The following RANBP17 variants were observed in gnomAD, a reference collection of about 807,000 sequenced individuals.
RANBP17 encodes ran-binding protein 17.
In RANBP17, 158 loss-of-function variants were observed where a neutral mutation model predicts 141.2. The observed-to-expected ratio is 1.12, with a 90% CI of 0.98 to 1.28. The LOEUF is 1.28. RANBP17 is among the 50% of genes most tolerant of loss of function. RANBP17 has a pLI of 0.00. For missense variants in RANBP17, 1,438 were observed against 1,290.7 expected (o/e 1.11, Z -1.75); for synonymous variants, 430 against 450.0 (o/e 0.96, Z 0.56).
intron 24 of RANBP17, among the ~76,000 whole-genome samples, chr5:171,257,217 C>T (rs911593904): frequency 6.6e-6 from 1 of 152,224 alleles, no homozygotes; most frequent in African/African-American, 2.4e-5. Context: ...ACACGATGAT[C>T]AATTGGGATT....
intron 14 of RANBP17, among the ~76,000 whole-genome samples, chr5:171,007,192 G>A (rs956174783): frequency 3.3e-5 from 5 of 152,138 alleles, no homozygotes; most frequent in Admixed American, 6.5e-5. Flanking sequence ...ATTTAGTGGG[G>A]TCTGATGAGA....
At chr5:171,073,942 G>A (rs1023264543) in intron 14 of RANBP17, among the ~76,000 whole-genome samples, 3 of 151,582 alleles carry the variant, frequency 2.0e-5, no homozygotes, top group African/African-American at 7.3e-5. Flanking sequence ...CAAATGAATT[G>A]ATGAATTCTT....
In RANBP17 at chr5:171,293,982, G is replaced by A. The variant is rs756724925; in HGVS notation, c.3042+1G>A. On this transcript the variant is annotated splice_donor_variant, in intron 26 of 27. Transcript: ENST00000523189. LOFTEE classifies it high-confidence loss of function. ...GGGGCTCATCCTGCTCAATGAGAAGGTGAGTGTGATTGCAGGAAGTCACGG... is the reference window on the plus strand; with the variant it reads ...GGGGCTCATCCTGCTCAATGAGAAGATGAGTGTGATTGCAGGAAGTCACGG... The A allele has an allele frequency of 1.2e-6, 2 of 1,609,938 alleles. No individual in the cohort carries two copies. Among genetic ancestry groups the A allele is most frequent in the Non-Finnish European group, 1.7e-6 (2 of 1,176,260 alleles).
At chr5:171,098,168 G>T (rs906299705) in intron 14 of RANBP17, among the ~76,000 whole-genome samples, 20 of 151,936 alleles carry the variant, frequency 1.3e-4, no homozygotes, top group Non-Finnish European at 8.8e-5. Context: ...AGGATTGCTG[G>T]GTCAAATGGT....
intron 14 of RANBP17, among the ~76,000 whole-genome samples, chr5:171,020,075 G>A (rs543363156): frequency 1.3e-5 from 2 of 152,290 alleles, no homozygotes; most frequent in Non-Finnish European, 2.9e-5. Flanking sequence ...ATGTAATTGT[G>A]TGGTTTTGAG....
intron 25 of RANBP17, among the ~76,000 whole-genome samples, chr5:171,290,056 T>C (rs146031068): frequency 0.01 from 1,582 of 151,164 alleles, 29 homozygotes; most frequent in African/African-American, 0.032. Context: ...AGCATTTAGT[T>C]ACCGCCTTGC....
chr5:170,933,440 T>C (rs569222385), intron 12 of RANBP17, among the ~76,000 whole-genome samples: 1 of 152,334 alleles, frequency 6.6e-6, no homozygotes, highest in Admixed American at 6.5e-5. Flanking sequence ...CTTAGTTATT[T>C]CTAGCCTTCT....
chr5:171,204,744 G>GT (rs1008549437), intron 19 of RANBP17, among the ~76,000 whole-genome samples: 1 of 151,640 alleles, frequency 6.6e-6, no homozygotes, highest in African/African-American at 2.4e-5. Context: ...TCAAGTTTTT[G>GT]TTTTTTTTCT....
At chr5:170,880,597 G>T (rs1055254472) in intron 2 of RANBP17, among the ~76,000 whole-genome samples, 3 of 151,946 alleles carry the variant, frequency 2.0e-5, no homozygotes, top group African/African-American at 7.3e-5. Context: ...TCTGACTTTT[G>T]ATTTCCTGAG....
chr5:171,019,763 A>G (rs1780719338), intron 14 of RANBP17, among the ~76,000 whole-genome samples: 1 of 151,090 alleles, frequency 6.6e-6, no homozygotes, highest in South Asian at 2.1e-4. Context: ...GATCTCCTTA[A>G]GTTCTTCAAT....
intron 13 of RANBP17, among the ~76,000 whole-genome samples, chr5:170,967,760 T>C (rs1405792571): frequency 6.6e-6 from 1 of 151,734 alleles, no homozygotes; most frequent in African/African-American, 2.4e-5. Flanking sequence ...GATATAACTT[T>C]TGTTAGATGT....
At chr5:171,183,741 G>C (rs1185125581) in intron 18 of RANBP17, among the ~76,000 whole-genome samples, 11 of 152,090 alleles carry the variant, frequency 7.2e-5, no homozygotes, top group Admixed American at 6.5e-5. Context: ...CTTAAACAGA[G>C]AAAAACTTTA....
At chr5:171,207,605 A>G (rs1313175415) in intron 20 of RANBP17, 1 of 152,164 alleles carries the variant, frequency 6.6e-6, no homozygotes, top group Non-Finnish European at 1.5e-5. Context: ...GAGAAGTGTC[A>G]GTTATGCCAG....
intron 14 of RANBP17, among the ~76,000 whole-genome samples, chr5:171,115,679 C>T (rs1193125226): frequency 6.6e-6 from 1 of 152,114 alleles, no homozygotes; most frequent in East Asian, 1.9e-4. Flanking sequence ...CACAATCTAA[C>T]GGGATTCCAA....
chr5:171,198,495 C>A (rs1168950457), intron 18 of RANBP17, among the ~76,000 whole-genome samples: 1 of 152,206 alleles, frequency 6.6e-6, no homozygotes, highest in African/African-American at 2.4e-5. Flanking sequence ...ACCTCCGTTA[C>A]TTTGTCTGAA....
chr5:171,265,811 AC>A lies in RANBP17; in HGVS notation c.2908del (p.His970IlefsTer13). 1 of 1,613,952 alleles carries A rather than the reference AC, an allele frequency of 6.2e-7. No homozygotes were observed. The highest frequency in any genetic ancestry group is 8.5e-7 in the Non-Finnish European group (1 of 1,179,930). On this transcript the variant is annotated frameshift_variant, in exon 25 of 28. Coordinates refer to ENST00000523189, the MANE Select transcript of RANBP17 (RefSeq NM_022897.5). LOFTEE classifies it high-confidence loss of function. ...EATQAGQRLL[H>X]FMQQNPDVLQ... ...CTACCCAGGCTGGTCAGAGACTATT[AC>A]ATTTTATGCAGCAAAACCCAGATGT...
chr5:171,280,935 G>C (rs1767825866), intron 25 of RANBP17, among the ~76,000 whole-genome samples: 1 of 152,092 alleles, frequency 6.6e-6, no homozygotes. Flanking sequence ...CGGTATACCT[G>C]GTTTTGAATA....
chr5:171,274,718 T>G (rs1440717085), intron 25 of RANBP17, among the ~76,000 whole-genome samples: 2 of 152,120 alleles, frequency 1.3e-5, no homozygotes, highest in Non-Finnish European at 2.9e-5. Context: ...CAATAAGTGT[T>G]TGCAAAGTAA....
intron 14 of RANBP17, among the ~76,000 whole-genome samples, chr5:171,099,459 T>C (rs1786963813): frequency 6.6e-6 from 1 of 152,236 alleles, no homozygotes; most frequent in African/African-American, 2.4e-5. Flanking sequence ...TTTTATATCC[T>C]GAGACTTTGT....
Sources: gnomAD v4.1 joint callset for allele counts (sites outside exome capture counted in the v4.1 genomes callset) on GRCh38, gnomAD v4.1.1 for gene constraint, MANE v1.5 for transcripts, NCBI Gene and HGNC (gene_info 2026-07-23, HGNC 2026-07-21) for gene names.